Variants in ZDHHC11 observed in about 807,000 individuals in gnomAD.
ZDHHC11 encodes the protein palmitoyltransferase ZDHHC11.
Under a neutral mutation model 51.3 loss-of-function variants are expected in ZDHHC11, and 44 were observed. The observed-to-expected ratio is 0.86, with a 90% CI of 0.67 to 1.10. The LOEUF is 1.10. Ranked by LOEUF, ZDHHC11 falls within the 50% of genes least tolerant of loss-of-function variation. The pLI is 0.00. For synonymous variants in ZDHHC11, 163 were observed against 222.0 expected (o/e 0.73, Z 2.36); for missense variants, 400 against 537.7 (o/e 0.74, Z 2.53).
At chr5:854,879 G>A (rs187654448), upstream of ZDHHC11, among the ~76,000 whole-genome samples, 275 of 143,796 alleles carry the variant, frequency 1.9e-3, 2 homozygotes, top group African/African-American at 6.9e-3. Context: ...CAGACCCCAT[G>A]GAGGATAGCA....
chr5:838,400 G>A (rs933067271), intron 5 of ZDHHC11, among the ~76,000 whole-genome samples: 1 of 152,142 alleles, frequency 6.6e-6, no homozygotes, highest in African/African-American at 2.4e-5. Flanking sequence ...CCGATGTCTT[G>A]TGACTATTTC....
intron 11 of ZDHHC11, among the ~76,000 whole-genome samples, chr5:808,722 C>T (rs1739650516): frequency 7.4e-6 from 1 of 134,880 alleles, no homozygotes; most frequent in Admixed American, 7.5e-5. Flanking sequence ...TTTTTTGAGA[C>T]AGTCTTGCTC....
intron 1 of ZDHHC11, chr5:849,544 G>A (rs1236946756): frequency 2.0e-5 from 3 of 152,174 alleles, no homozygotes; most frequent in African/African-American, 7.3e-5. Flanking sequence ...GCTCACTCAG[G>A]GACCCTCTCC....
At chr5:855,410 AG>A (rs2150511558), upstream of ZDHHC11, among the ~76,000 whole-genome samples, 1 of 122,660 alleles carries the variant, frequency 8.2e-6, no homozygotes, top group Non-Finnish European at 1.7e-5. Context: ...ACAGCGAGCC[AG>A]GGGGCACAGA....
upstream of ZDHHC11, among the ~76,000 whole-genome samples, chr5:853,200 G>A (rs945601380): frequency 4.7e-5 from 6 of 127,720 alleles, no homozygotes; most frequent in African/African-American, 1.8e-4. Context: ...AGGGGGCAGA[G>A]ACTCCACAGA....
At chr5:840,726 A>C in intron 4 of ZDHHC11, 76 bp from the exon 5 acceptor site, 1 of 1,600,138 alleles carries the variant, frequency 6.2e-7, no homozygotes. Flanking sequence ...CACAGACCAG[A>C]GCGTGCTGGG....
rs137958257 is a variant in ZDHHC11 at position 848,613 on chromosome 5, C to T, written c.270G>A (p.Ala90=). ...FSFHLVVHLI[A]SCIDPADSNV... is the part of the protein sequence containing the mutation. ...TGGAGTCGGCCGGGTCGATGCAGGA[C>T]GCGATCAGGTGGACGACGAGGTGGA... Residue 90 remains alanine, a synonymous_variant, in exon 2 of 13, where the codon GCG becomes GCA. Coordinates refer to ENST00000283441, the MANE Select transcript of ZDHHC11 (RefSeq NM_024786.3). The T allele has an allele frequency of 5.9e-5, 94 of 1,589,070 alleles. No homozygotes were observed. In the African/African-American group the frequency reaches 7.1e-4, roughly 12 times the overall value.
At chr5:859,851 G>A (rs943521569), upstream of ZDHHC11, among the ~76,000 whole-genome samples, 2 of 152,108 alleles carry the variant, frequency 1.3e-5, no homozygotes, top group Non-Finnish European at 2.9e-5. Flanking sequence ...TGTCGGTTGG[G>A]GGGGGTCCCC....
intron 11 of ZDHHC11, among the ~76,000 whole-genome samples, chr5:804,124 C>T (rs1166744443): frequency 4.0e-5 from 6 of 151,314 alleles, no homozygotes; most frequent in Admixed American, 1.3e-4. Context: ...TCTGCACTTT[C>T]AGTTACCTCT....
chr5:811,816 T>C (rs1740128544), intron 11 of ZDHHC11, among the ~76,000 whole-genome samples: 1 of 147,592 alleles, frequency 6.8e-6, no homozygotes, highest in South Asian at 2.1e-4. Flanking sequence ...GTTTAAAAAT[T>C]GTCAAAACTT....
At chr5:850,216 C>T in intron 1 of ZDHHC11, 165 bp downstream of exon 1, 1 of 753,166 alleles carries the variant, frequency 1.3e-6, no homozygotes, top group Non-Finnish European at 2.2e-6. Context: ...CTGCACAGAG[C>T]ATGAGTGGCC....
At chr5:823,964 T>TG (rs1330145269) in intron 8 of ZDHHC11, 3 of 430,170 alleles carry the variant, frequency 7.0e-6, no homozygotes, top group Non-Finnish European at 1.4e-5. Flanking sequence ...AAATCTTTGC[T>TG]GGAAGTGCAG....
chr5:824,988 TCTCA>T (rs1742124462), intron 8 of ZDHHC11, among the ~76,000 whole-genome samples, 172 bp downstream of exon 8: 1 of 151,608 alleles, frequency 6.6e-6, no homozygotes, highest in South Asian at 2.1e-4. Context: ...CATTCCTGCC[TCTCA>T]CTCCATCTCT....
intron 11 of ZDHHC11, among the ~76,000 whole-genome samples, chr5:807,276 C>T (rs384884): frequency 1.3e-5 from 2 of 150,520 alleles, no homozygotes; most frequent in Non-Finnish European, 3.0e-5. Flanking sequence ...GAAAAAGTAT[C>T]CAATGTATTG....
At chr5:829,883 C>T (rs1477693732) in intron 7 of ZDHHC11, among the ~76,000 whole-genome samples, 1 of 151,174 alleles carries the variant, frequency 6.6e-6, no homozygotes, top group Non-Finnish European at 1.5e-5. Flanking sequence ...GAATTAAAAA[C>T]AAAAAATCAG....
intron 3 of ZDHHC11, among the ~76,000 whole-genome samples, chr5:846,852 C>G (rs1158547443): frequency 1.4e-5 from 2 of 138,714 alleles, no homozygotes; most frequent in Non-Finnish European, 3.1e-5. Context: ...TCAGGGGAAA[C>G]ACCTCTCGTT....
chr5:850,289 G>C (rs1025917663), intron 1 of ZDHHC11, 92 bp downstream of exon 1: 5 of 1,424,852 alleles, frequency 3.5e-6, no homozygotes, highest in South Asian at 1.3e-5. Flanking sequence ...TGGTGCCACC[G>C]GGCAGCCATG....
chr5:806,679 A>G (rs1324318423), intron 11 of ZDHHC11, among the ~76,000 whole-genome samples: 1 of 151,344 alleles, frequency 6.6e-6, no homozygotes, highest in African/African-American at 2.4e-5. Flanking sequence ...CTATAAATCA[A>G]TAAGAAAAGC....
intron 10 of ZDHHC11, among the ~76,000 whole-genome samples, chr5:815,515 G>A (rs61227183): frequency 0.21 from 31,308 of 150,814 alleles, 4,982 homozygotes; most frequent in African/African-American, 0.43. Context: ...CAATACATGA[G>A]ACTTCCAGTT....
Sources: gnomAD v4.1 joint callset for allele counts (sites outside exome capture counted in the v4.1 genomes callset) on GRCh38, gnomAD v4.1.1 for gene constraint, MANE v1.5 for transcripts, NCBI Gene and HGNC (gene_info 2026-07-23, HGNC 2026-07-21) for gene names.